MAP4: variants seen among roughly 807,000 people sequenced by gnomAD.
The protein encoded by MAP4 is microtubule associated protein 4.
Under a neutral mutation model 170.2 loss-of-function variants are expected in MAP4, and 76 were observed. The observed-to-expected ratio is 0.45, with a 90% confidence interval of 0.37 to 0.54. The LOEUF (loss-of-function observed/expected upper bound fraction) is 0.54. Ranked by LOEUF, MAP4 falls within the 20% of genes least tolerant of loss-of-function variation. The probability of loss-of-function intolerance (pLI) is 0.00; values close to 1 mark genes in which losing one functional copy is unlikely to be tolerated. For missense variants in MAP4, 2,506 were observed against 2,748.0 expected (o/e 0.91, Z 1.97); for synonymous variants, 909 against 994.5 (o/e 0.91, Z 1.62).
At chr3:47,977,959 A>G in intron 2 of MAP4, 26 bp from the exon 3 acceptor site, 1 of 1,500,294 alleles carries the variant, frequency 6.7e-7, no homozygotes, top group Non-Finnish European at 9.3e-7. Context: ...ATAATTACCC[A>G]TTGTGACAGA....
intron 1 of MAP4, among the ~76,000 whole-genome samples, chr3:48,065,084 C>T (rs1214843776): frequency 6.6e-6 from 1 of 152,096 alleles, no homozygotes; most frequent in Non-Finnish European, 1.5e-5. Flanking sequence ...GAGTTATGAT[C>T]GTGCCACTGC....
chr3:47,924,259 T>G (rs2100044582), intron 4 of MAP4, among the ~76,000 whole-genome samples: 1 of 152,192 alleles, frequency 6.6e-6, no homozygotes. Context: ...ACTAAAGAAC[T>G]GAGTGGTTAT....
intron 3 of MAP4, among the ~76,000 whole-genome samples, chr3:47,960,063 C>T (rs1277156666): frequency 6.6e-6 from 1 of 151,904 alleles, no homozygotes; most frequent in Non-Finnish European, 1.5e-5. Context: ...AGGGTTTCAT[C>T]ATGTTGGCCG....
upstream of MAP4, among the ~76,000 whole-genome samples, chr3:48,019,748 A>G (rs2100109636): frequency 6.6e-6 from 1 of 152,138 alleles, no homozygotes; most frequent in Non-Finnish European, 1.5e-5. Flanking sequence ...ATTAGCCTGC[A>G]CACCTGTGGT....
intron 4 of MAP4, among the ~76,000 whole-genome samples, chr3:47,923,015 A>G (rs940863393): frequency 5.9e-5 from 9 of 152,094 alleles, no homozygotes; most frequent in Non-Finnish European, 8.8e-5. Flanking sequence ...GCGCCACTGC[A>G]CTCCAGCCTG....
At chr3:47,874,586 C>G (rs757008412) in intron 12 of MAP4, among the ~76,000 whole-genome samples, 1 of 152,232 alleles carries the variant, frequency 6.6e-6, no homozygotes, top group Non-Finnish European at 1.5e-5. Flanking sequence ...CTACTCTCCT[C>G]TGTCACCCCC....
chr3:47,924,493 T>TG (rs1033169627), intron 4 of MAP4, among the ~76,000 whole-genome samples: 1 of 152,188 alleles, frequency 6.6e-6, no homozygotes, highest in Non-Finnish European at 1.5e-5. Context: ...CAAAAAACCT[T>TG]GGAGTCATCC....
Position 47,880,534 on chromosome 3 carries a change from CA to C in MAP4, c.5435-3012del, listed in dbSNP as rs2096547345. Among the ~76,000 whole-genome samples, 3 of 144,560 alleles carry C rather than the reference CA, an allele frequency of 2.1e-5. 1 individual carries two copies. In the South Asian group the frequency reaches 6.7e-4, roughly 32 times the overall value. 94.8% of individuals were successfully genotyped at this position (144,560 alleles called of 152,430 possible). On this transcript the variant is annotated intron_variant, in intron 10 of 20. Transcript: ENST00000683076. ...AGGCTGCAGTACAGTGGCATGATCA[CA>C]GCTCACTGCCACCTGGAACTCCTGG...
intron 2 of MAP4, among the ~76,000 whole-genome samples, chr3:47,997,223 T>G (rs1201356022): frequency 6.6e-6 from 1 of 150,484 alleles, no homozygotes; most frequent in Non-Finnish European, 1.5e-5. Flanking sequence ...GCCAAAAATT[T>G]CCCAGCTGAC....
chr3:47,943,957 A>G (rs1294181506), intron 3 of MAP4, among the ~76,000 whole-genome samples: 1 of 152,040 alleles, frequency 6.6e-6, no homozygotes, highest in Non-Finnish European at 1.5e-5. Context: ...CACTTGATTT[A>G]TTATCATACT....
intron 1 of MAP4, among the ~76,000 whole-genome samples, chr3:48,061,247 A>C (rs1334267160): frequency 6.9e-6 from 1 of 144,586 alleles, no homozygotes. Context: ...TGCCGAGCCG[A>C]AGCTGGACTG....
chr3:47,988,723 A>T (rs2100090424), intron 2 of MAP4, among the ~76,000 whole-genome samples: 1 of 151,992 alleles, frequency 6.6e-6, no homozygotes, highest in Non-Finnish European at 1.5e-5. Flanking sequence ...ATGGATTTTT[A>T]GTTTTTAAAA....
chr3:47,896,938 C>G (rs896235123), intron 10 of MAP4, among the ~76,000 whole-genome samples: 71 of 152,236 alleles, frequency 4.7e-4, no homozygotes, highest in African/African-American at 1.7e-3. Context: ...AATGCTGAGG[C>G]TTCCCTAACA....
intron 10 of MAP4, among the ~76,000 whole-genome samples, chr3:47,890,675 G>T (rs2098394558): frequency 6.6e-6 from 1 of 152,168 alleles, no homozygotes; most frequent in Admixed American, 6.5e-5. Flanking sequence ...ACAGGGAGCT[G>T]AGGGCTGGGT....
At chr3:47,873,929 C>T (rs1167455895) in intron 12 of MAP4, among the ~76,000 whole-genome samples, 1 of 152,228 alleles carries the variant, frequency 6.6e-6, no homozygotes, top group Non-Finnish European at 1.5e-5. Flanking sequence ...TGGAGCTATT[C>T]TGCTGTTTCC....
chr3:47,906,354 A>G (rs2153445275), intron 9 of MAP4, among the ~76,000 whole-genome samples: 1 of 152,238 alleles, frequency 6.6e-6, no homozygotes, highest in East Asian at 1.9e-4. Context: ...ATTTCTAATG[A>G]AAAAAAGTTG....
chr3:47,941,094 G>A (rs1198586509), intron 3 of MAP4, among the ~76,000 whole-genome samples: 1 of 151,560 alleles, frequency 6.6e-6, no homozygotes, highest in South Asian at 2.1e-4. Flanking sequence ...GGCCAAGCTG[G>A]TCTCAAACTC....
chr3:47,990,761 C>T lies in MAP4; in HGVS notation c.223+7877G>A, dbSNP rs116022391. Reference sequence around the variant, plus strand: ...TGTCTCCCTCACCTAGAAAATAGGGCCATATAATGCTGATAATGAACAATT... The same window carrying T: ...TGTCTCCCTCACCTAGAAAATAGGGTCATATAATGCTGATAATGAACAATT... On this transcript the variant is annotated intron_variant, in intron 2 of 20. Coordinates refer to ENST00000683076, the MANE Select transcript of MAP4 (RefSeq NM_001385682.1). 1.7e-3 allele frequency among the ~76,000 whole-genome samples: 261 copies of T among 152,146 alleles called. 1 individual carries two copies. Among genetic ancestry groups the T allele is most frequent in the Non-Finnish European group, 2.9e-3 (194 of 67,994 alleles).
chr3:48,030,773 T>C (rs1367642387), intron 1 of MAP4, among the ~76,000 whole-genome samples: 1 of 113,340 alleles, frequency 8.8e-6, no homozygotes, highest in Non-Finnish European at 1.6e-5. Context: ...CACTCCAGCC[T>C]GGGCGACAGA....
Sources: allele counts gnomAD v4.1 joint callset (sites outside exome capture counted in the v4.1 genomes callset), GRCh38; gene constraint gnomAD v4.1.1; transcripts MANE v1.5; gene names NCBI Gene and HGNC (gene_info 2026-07-23, HGNC 2026-07-21).